Variants in RSPRY1 observed in about 807,000 individuals in gnomAD.
RSPRY1 encodes ring finger and SPRY domain containing 1, also known as RING finger and SPRY domain-containing protein 1.
In RSPRY1, 23 loss-of-function variants were observed where a neutral mutation model predicts 73.1. The ratio of observed to expected loss-of-function variants is 0.31; its 90% CI spans 0.23 to 0.45. The LOEUF is 0.45. Among genes scored for constraint, RSPRY1 ranks in the 20% least tolerant of loss-of-function variants. The pLI, the probability that RSPRY1 is intolerant of heterozygous loss-of-function variation, is 1.00. For synonymous variants in RSPRY1, 226 were observed against 251.4 expected (o/e 0.90, Z 0.95); for missense variants, 448 against 698.7 (o/e 0.64, Z 4.05).
chr16:57,204,034 G>A lies in RSPRY1; in HGVS notation c.-155-470G>A, dbSNP rs75899168. On this transcript the variant is annotated intron_variant, in intron 1 of 14. Transcript: ENST00000394420. ...AACTTTTTTTTAACAACAAACGTCTGTAATTATTTTATTTAAAACTTGTTA... is the reference window on the plus strand; with the variant it reads ...AACTTTTTTTTAACAACAAACGTCTATAATTATTTTATTTAAAACTTGTTA... 3.8e-3 allele frequency among the ~76,000 whole-genome samples: 575 copies of A among 152,168 alleles called. 4 individuals carry two copies. Among genetic ancestry groups the A allele is most frequent in the African/African-American group, 0.012 (487 of 41,514 alleles).
chr16:57,206,454 G>A (rs1249938909), intron 2 of RSPRY1, among the ~76,000 whole-genome samples: 3 of 152,124 alleles, frequency 2.0e-5, no homozygotes, highest in Non-Finnish European at 2.9e-5. Flanking sequence ...GTACCAAATT[G>A]TAATAAAAGT....
At chr16:57,188,400 C>A (rs1195526747) in intron 1 of RSPRY1, among the ~76,000 whole-genome samples, 7 of 150,966 alleles carry the variant, frequency 4.6e-5, no homozygotes, top group Non-Finnish European at 8.8e-5. Flanking sequence ...GACTTGTGTC[C>A]CTGTATGACA....
chr16:57,193,818 C>T lies in RSPRY1; in HGVS notation c.-156+7367C>T, dbSNP rs556111749. ...CGGTGGCTCACGCCTGTAATCCCAG[C>T]ACTTTGGGAGGCCGAGGTGGACAGA... On this transcript the variant is annotated intron_variant, in intron 1 of 14. Transcript: ENST00000394420. Among the ~76,000 whole-genome samples the T allele has an allele frequency of 4.5e-4, 68 of 152,210 alleles. 1 individual carries two copies. The South Asian group carries it at 0.014, about 31-fold the overall frequency.
intron 1 of RSPRY1, among the ~76,000 whole-genome samples, chr16:57,187,348 G>C (rs781569971): frequency 6.6e-5 from 10 of 152,126 alleles, no homozygotes; most frequent in Non-Finnish European, 1.0e-4. Flanking sequence ...CGAGGCGGTC[G>C]GCTGAGACTC....
intron 2 of RSPRY1, chr16:57,207,636 C>T (rs1318407124): frequency 2.2e-6 from 1 of 457,210 alleles, no homozygotes; most frequent in Non-Finnish European, 4.4e-6. Flanking sequence ...CCCTTGCTTC[C>T]ATAAGTCCTC....
At position 57,236,233 on chromosome 16, in the gene RSPRY1, G is replaced by A. The variant is rs2075297877; in HGVS notation, c.1634+1005G>A. ...TGTAAGAATGTTAAGATCTCAAACA[G>A]CTGGATCTGGTCTTAATCATCTTTG... On this transcript the variant is annotated intron_variant, in intron 14 of 14. Transcript: ENST00000394420. Among the ~76,000 whole-genome samples the A allele has an allele frequency of 2.0e-5, 3 of 152,306 alleles. No individual in the cohort carries two copies. The South Asian group carries it at 6.2e-4, about 32-fold the overall frequency.
intron 14 of RSPRY1, among the ~76,000 whole-genome samples, chr16:57,238,055 A>G (rs2075326955): frequency 6.6e-6 from 1 of 152,352 alleles, no homozygotes; most frequent in South Asian, 2.1e-4. Flanking sequence ...AATAGCAGCC[A>G]GTTAGAACAT....
In RSPRY1 at chr16:57,236,270, C is replaced by G. The variant is rs77540669; in HGVS notation, c.1634+1042C>G. Among the ~76,000 whole-genome samples the G allele has an allele frequency of 3.6e-3, 542 of 152,244 alleles. 2 individuals carry two copies. The highest frequency in any genetic ancestry group is 0.012 in the African/African-American group (515 of 41,526). On this transcript the variant is annotated intron_variant, in intron 14 of 14. Transcript: ENST00000394420. ...CTTAATCATCTTTGAGCTCTCTGGT[C>G]CTGTGGTCTTGCACATAATACAAGG...
intron 7 of RSPRY1, 54 bp from the exon 8 acceptor site, chr16:57,216,850 G>T: frequency 3.8e-6 from 6 of 1,561,320 alleles, no homozygotes; most frequent in Non-Finnish European, 5.3e-6. Context: ...AATTTGCTGA[G>T]CAAATCATTC....
intron 1 of RSPRY1, among the ~76,000 whole-genome samples, chr16:57,188,263 G>T (rs975813012): frequency 2.6e-5 from 4 of 152,320 alleles, no homozygotes; most frequent in African/African-American, 7.2e-5. Context: ...TAAGAGACTT[G>T]TGTCCCTGTA....
chr16:57,236,001 G>A (rs2075294544), intron 14 of RSPRY1, among the ~76,000 whole-genome samples: 1 of 152,226 alleles, frequency 6.6e-6, no homozygotes, highest in Non-Finnish European at 1.5e-5. Context: ...GGGAAGTAGA[G>A]TGTGTCTCAT....
At position 57,238,932 on chromosome 16, in the gene RSPRY1, A is replaced by G. The variant is rs908071156; in HGVS notation, c.1688A>G (p.Lys563Arg). ...CTGGAGACCTGCCCATTGTGTCGTA[A>G]AGAAATAGTATCTAGAATCAGACAG... ...LQLETCPLCR[K>R]EIVSRIRQIS... The change falls in exon 15 of 15, where the codon AAA (lysine) becomes AGA (arginine). Residue 563 changes from lysine (K) to arginine (R), a missense_variant. Transcript: ENST00000394420. The G allele has an allele frequency of 2.5e-6, 4 of 1,610,542 alleles. No homozygotes were observed. The highest frequency in any genetic ancestry group is 3.4e-6 in the Non-Finnish European group (4 of 1,177,894).
intron 1 of RSPRY1, among the ~76,000 whole-genome samples, chr16:57,202,230 G>T (rs568221741): frequency 6.6e-6 from 1 of 151,842 alleles, no homozygotes; most frequent in Non-Finnish European, 1.5e-5. Context: ...CAATTGTTAC[G>T]GGGGGTGGGT....
intron 10 of RSPRY1, among the ~76,000 whole-genome samples, chr16:57,225,477 T>C (rs2075106410): frequency 6.6e-6 from 1 of 152,246 alleles, no homozygotes; most frequent in African/African-American, 2.4e-5. Context: ...AAATTCAGTA[T>C]GTTGTAATCC....
intron 1 of RSPRY1, among the ~76,000 whole-genome samples, chr16:57,201,235 C>G (rs2146219597): frequency 6.6e-6 from 1 of 152,040 alleles, no homozygotes; most frequent in African/African-American, 2.4e-5. Flanking sequence ...CTCCTCACTT[C>G]TCAGACGGTG....
chr16:57,219,700 G>A (rs1352510318), intron 8 of RSPRY1: 4 of 152,214 alleles, frequency 2.6e-5, no homozygotes, highest in Non-Finnish European at 4.4e-5. Context: ...TTTGGTGCCT[G>A]TGCTTTTGGG....
At chr16:57,196,988 T>C (rs1158406554) in intron 1 of RSPRY1, among the ~76,000 whole-genome samples, 1 of 152,178 alleles carries the variant, frequency 6.6e-6, no homozygotes, top group Non-Finnish European at 1.5e-5. Flanking sequence ...TATCAGTAAA[T>C]ATTGCAGGGC....
intron 1 of RSPRY1, among the ~76,000 whole-genome samples, chr16:57,187,929 C>G (rs1446096760): frequency 1.3e-5 from 2 of 152,168 alleles, no homozygotes; most frequent in East Asian, 3.8e-4. Flanking sequence ...TTATTTTCCC[C>G]TAACAGCTGA....
chr16:57,208,419 A>C (rs2074772058), intron 3 of RSPRY1, among the ~76,000 whole-genome samples: 1 of 106,670 alleles, frequency 9.4e-6, no homozygotes, highest in Non-Finnish European at 1.9e-5. Flanking sequence ...TTTTTTTGAG[A>C]CAGAGTCTCA....
Sources: allele counts gnomAD v4.1 joint callset (sites outside exome capture counted in the v4.1 genomes callset), GRCh38; gene constraint gnomAD v4.1.1; transcripts MANE v1.5; gene names NCBI Gene and HGNC (gene_info 2026-07-23, HGNC 2026-07-21).